Variants in TUSC3 observed in about 807,000 individuals in gnomAD.
TUSC3 encodes dolichyl-diphosphooligosaccharide--protein glycosyltransferase subunit TUSC3.
A neutral mutation model predicts 44.8 loss-of-function variants in TUSC3; 45 were observed. The ratio of observed to expected loss-of-function variants is 1.00; its 90% confidence interval spans 0.79 to 1.29. TUSC3 has a LOEUF of 1.29. Ranked by LOEUF, TUSC3 falls within the 50% of genes most tolerant of loss-of-function variation. TUSC3 has a pLI of 0.00. For synonymous variants in TUSC3, 212 were observed against 152.9 expected (o/e 1.39, Z -2.85); for missense variants, 519 against 437.9 (o/e 1.19, Z -1.65).
intron 6 of TUSC3, among the ~76,000 whole-genome samples, chr8:15,713,082 T>C (rs532538136): frequency 5.3e-5 from 8 of 152,298 alleles, no homozygotes; most frequent in African/African-American, 1.9e-4. Context: ...TTAAAGAACA[T>C]GTTGATCCCA....
At chr8:15,536,388 A>C (rs1270216413), upstream of TUSC3, among the ~76,000 whole-genome samples, 1 of 152,100 alleles carries the variant, frequency 6.6e-6, no homozygotes. Context: ...TACCAAGAAA[A>C]GAATGCAAGA....
chr8:15,692,371 C>CCCCT (rs1563175839), intron 6 of TUSC3, among the ~76,000 whole-genome samples: 12 of 18,814 alleles, frequency 6.4e-4, no homozygotes, highest in South Asian at 3.6e-3. Flanking sequence ...CCCCCCCCCC[C>CCCCT]TTTGTTTTTT....
intron 2 of TUSC3, among the ~76,000 whole-genome samples, chr8:15,525,149 A>G (rs767456965): frequency 6.6e-6 from 1 of 152,220 alleles, no homozygotes; most frequent in Non-Finnish European, 1.5e-5. Context: ...AACTTTTCCT[A>G]TACTCCCTGC....
At chr8:15,839,414 G>C in the TUSC3 span, among the ~76,000 whole-genome samples, 1 of 152,004 alleles carries the variant, frequency 6.6e-6, no homozygotes, top group Non-Finnish European at 1.5e-5. Context: ...AGTGGTGAGT[G>C]AGGGCATCCC....
intron 3 of TUSC3, among the ~76,000 whole-genome samples, chr8:15,658,470 A>G (rs912869583): frequency 2.0e-5 from 3 of 152,058 alleles, no homozygotes; most frequent in Admixed American, 1.3e-4. Flanking sequence ...CTTGATATCA[A>G]CTGTGATCTA....
intron 2 of TUSC3, among the ~76,000 whole-genome samples, chr8:15,514,350 T>C (rs140987442): frequency 1.3e-5 from 2 of 152,196 alleles, no homozygotes; most frequent in South Asian, 4.1e-4. Context: ...TTCATAACAT[T>C]GTGCAAAGAA....
intron 1 of TUSC3, among the ~76,000 whole-genome samples, chr8:15,439,933 C>G (rs1169707289): frequency 1.3e-5 from 2 of 152,170 alleles, no homozygotes; most frequent in Non-Finnish European, 2.9e-5. Context: ...GCAACAGATA[C>G]TAGTTAAATT....
At chr8:15,494,015 A>C (rs1197269229) in intron 2 of TUSC3, among the ~76,000 whole-genome samples, 1 of 152,110 alleles carries the variant, frequency 6.6e-6, no homozygotes, top group Non-Finnish European at 1.5e-5. Context: ...TATTATTTGC[A>C]CTTCTTTCTC....
the TUSC3 span, chr8:15,806,749 C>T: frequency 2.6e-6 from 2 of 779,854 alleles, no homozygotes; most frequent in Non-Finnish European, 4.4e-6. Flanking sequence ...CATGCTAAAG[C>T]ATTACAGAGC....
intron 1 of TUSC3, among the ~76,000 whole-genome samples, chr8:15,449,468 A>G (rs1035864513): frequency 6.6e-6 from 1 of 152,154 alleles, no homozygotes; most frequent in Non-Finnish European, 1.5e-5. Flanking sequence ...CTTACCAGGA[A>G]GGAATGCTGG....
At chr8:15,843,007 A>C in the TUSC3 span, among the ~76,000 whole-genome samples, 1 of 152,226 alleles carries the variant, frequency 6.6e-6, no homozygotes, top group Admixed American at 6.5e-5. Context: ...TGTAGCAACC[A>C]CAGCCTGAGA....
rs143620285 is a variant in TUSC3 at position 15,658,468 on chromosome 8, C to T, written c.427-1039C>T. Reference sequence around the variant, plus strand: ...TACTGTTGTATCGTTTGCTTGATATCAACTGTGATCTAATGTATATTTATA... The same window carrying T: ...TACTGTTGTATCGTTTGCTTGATATTAACTGTGATCTAATGTATATTTATA... On this transcript the variant is annotated intron_variant, in intron 3 of 10. Coordinates refer to ENST00000503731, the MANE Select transcript of TUSC3 (RefSeq NM_006765.4). Among the ~76,000 whole-genome samples the T allele has an allele frequency of 3.0e-3, 452 of 152,098 alleles. 6 individuals carry two copies. Among genetic ancestry groups the T allele is most frequent in the African/African-American group, 0.011 (437 of 41,508 alleles).
intron 1 of TUSC3, among the ~76,000 whole-genome samples, chr8:15,471,300 T>A (rs917466681): frequency 7.9e-5 from 12 of 152,188 alleles, no homozygotes; most frequent in Non-Finnish European, 1.8e-4. Context: ...GTGATGTTCT[T>A]GTGACCAGAA....
At chr8:15,819,296 T>C in the TUSC3 span, among the ~76,000 whole-genome samples, 1 of 152,208 alleles carries the variant, frequency 6.6e-6, no homozygotes, top group Non-Finnish European at 1.5e-5. Flanking sequence ...TTACTTCTTG[T>C]TCTTATACTT....
At chr8:15,798,297 G>C in the TUSC3 span, among the ~76,000 whole-genome samples, 1 of 152,124 alleles carries the variant, frequency 6.6e-6, no homozygotes, top group East Asian at 1.9e-4. Context: ...GCTGAATCTA[G>C]ACCCATTTTC....
intron 6 of TUSC3, among the ~76,000 whole-genome samples, chr8:15,697,575 G>T (rs1009544296): frequency 6.6e-6 from 1 of 152,150 alleles, no homozygotes; most frequent in South Asian, 2.1e-4. Flanking sequence ...AATCAGAATT[G>T]TATTCATCTT....
At chr8:15,798,248 CCTT>C in the TUSC3 span, among the ~76,000 whole-genome samples, 6 of 152,200 alleles carry the variant, frequency 3.9e-5, no homozygotes, top group Non-Finnish European at 7.3e-5. Context: ...GTCATGTTAA[CCTT>C]CTTTTCGCAC....
At chr8:15,582,822 T>C (rs755202588) in intron 1 of TUSC3, among the ~76,000 whole-genome samples, 14 of 152,232 alleles carry the variant, frequency 9.2e-5, no homozygotes, top group Non-Finnish European at 1.6e-4. Context: ...CCCAGAACTT[T>C]ACTAGAGCCA....
upstream of TUSC3, among the ~76,000 whole-genome samples, chr8:15,535,961 A>AT (rs1801516656): frequency 6.6e-6 from 1 of 152,206 alleles, no homozygotes; most frequent in Non-Finnish European, 1.5e-5. Flanking sequence ...CCCAATACAA[A>AT]TTCATAAACT....
Sources: allele counts gnomAD v4.1 joint callset (sites outside exome capture counted in the v4.1 genomes callset), GRCh38; gene constraint gnomAD v4.1.1; transcripts MANE v1.5; gene names NCBI Gene and HGNC (gene_info 2026-07-23, HGNC 2026-07-21).